Variants in HECTD4 observed in about 807,000 individuals in gnomAD.
HECTD4 encodes probable E3 ubiquitin-protein ligase HECTD4.
HECTD4 carries 114 observed loss-of-function variants against 471.5 expected under a neutral mutation model. The ratio of observed to expected loss-of-function variants is 0.24; its 90% CI spans 0.21 to 0.28. The LOEUF is 0.28. Among genes scored for constraint, HECTD4 ranks in the 10% least tolerant of loss-of-function variants. HECTD4 has a pLI of 1.00. For synonymous variants in HECTD4, 2,012 were observed against 2,256.0 expected (o/e 0.89, Z 3.07); for missense variants, 3,866 against 5,651.5 (o/e 0.68, Z 10.13).
rs2036308193 is a variant in HECTD4 at position 112,354,985 on chromosome 12, A to AC, written c.177+26966_177+26967insG. ...TAAGGGTTTGCCAAATGGGATTTTA[A>AC]TTTTTTTTTTTTTGAGATGGAGTCT... On this transcript the variant is annotated intron_variant, in intron 1 of 75. Transcript: ENST00000682272. 2.1e-5 allele frequency among the ~76,000 whole-genome samples: 3 copies of AC among 145,408 alleles called. No homozygotes were observed. In the South Asian group the frequency reaches 6.5e-4, roughly 32 times the overall value.
At chr12:112,206,053 C>T (rs558322711) in intron 52 of HECTD4, among the ~76,000 whole-genome samples, 1 of 152,302 alleles carries the variant, frequency 6.6e-6, no homozygotes, top group South Asian at 2.1e-4. Flanking sequence ...TGTTTGATAG[C>T]AACAGCTACT....
At chr12:112,233,214 CTTTTTTTT>C (rs546999938) in intron 37 of HECTD4, 129 bp from the exon 38 acceptor site, 73 of 235,680 alleles carry the variant, frequency 3.1e-4, no homozygotes, top group Middle Eastern at 1.5e-3. Flanking sequence ...CTAACATTAG[CTTTTTTTT>C]TTTTTTTTTT....
chr12:112,170,300 T>G, intron 69 of HECTD4, 33 bp downstream of exon 69: 1 of 1,611,212 alleles, frequency 6.2e-7, no homozygotes, highest in Non-Finnish European at 8.5e-7. Flanking sequence ...GCACTGCCAT[T>G]TTGCATTTTT....
chr12:112,304,379 C>A (rs1284804029), intron 7 of HECTD4, among the ~76,000 whole-genome samples: 1 of 151,742 alleles, frequency 6.6e-6, no homozygotes, highest in African/African-American at 2.4e-5. Flanking sequence ...TACTGCTCAG[C>A]CTCCTTAGTT....
chr12:112,254,328 A>G (rs2033961121), intron 21 of HECTD4, 166 bp from the exon 22 acceptor site: 2 of 712,136 alleles, frequency 2.8e-6, no homozygotes, highest in East Asian at 2.8e-5. Flanking sequence ...AACTGATACT[A>G]GTTTGGATGC....
intron 1 of HECTD4, among the ~76,000 whole-genome samples, chr12:112,377,374 T>C (rs1455963970): frequency 6.6e-6 from 1 of 152,220 alleles, no homozygotes; most frequent in Non-Finnish European, 1.5e-5. Context: ...TTTGCCTCTA[T>C]GTCATGTTAC....
At chr12:112,328,937 G>A (rs16942015) in intron 1 of HECTD4, among the ~76,000 whole-genome samples, 1,663 of 152,288 alleles carry the variant, frequency 0.011, 28 homozygotes, top group African/African-American at 0.038. Flanking sequence ...CCAGCATATG[G>A]TGACTTTCCC....
intron 55 of HECTD4, among the ~76,000 whole-genome samples, chr12:112,195,284 G>GA (rs2135525931): frequency 6.6e-6 from 1 of 152,168 alleles, no homozygotes; most frequent in East Asian, 1.9e-4. Context: ...GCACTGTAGG[G>GA]AAAAAAATAA....
In HECTD4 at chr12:112,207,953, A is replaced by G. The variant is rs755312288; in HGVS notation, c.8052T>C (p.Phe2684=). ...TGCGGAAGCGTCTTCGGATGGTAGG[A>G]AAAACCTTGGTCTCCCATGCTTTCA... ...LLVKAWETKV[F]PTIRRRFRNE... is the part of the protein sequence containing the mutation. Residue 2684 remains phenylalanine, a synonymous_variant, in exon 52 of 76, where the codon TTT becomes TTC. Coordinates refer to ENST00000682272, the MANE Select transcript of HECTD4 (RefSeq NM_001388303.1). 2 of 1,613,676 alleles carry G rather than the reference A, an allele frequency of 1.2e-6. No individual in the cohort carries two copies. The highest frequency in any genetic ancestry group is 1.3e-5 in the African/African-American group (1 of 74,902).
chr12:112,370,769 G>A (rs2036650795), intron 1 of HECTD4, among the ~76,000 whole-genome samples: 1 of 152,016 alleles, frequency 6.6e-6, no homozygotes, highest in Non-Finnish European at 1.5e-5. Context: ...ATGTATTCAT[G>A]TACTACTCAT....
Position 112,167,792 on chromosome 12 carries a change from C to T in HECTD4, c.12312+22G>A, listed in dbSNP as rs772259795. On this transcript the variant is annotated intron_variant, in intron 71 of 75. Coordinates refer to ENST00000682272, the MANE Select transcript of HECTD4 (RefSeq NM_001388303.1). ...AGGACATGAGCTCGGGGGCGTGGAG[C>T]CTCCTCCCGGCCTCTGCCTACCTTG... The T allele has an allele frequency of 5.0e-6, 8 of 1,596,600 alleles. No homozygotes were observed. The East Asian group carries it at 1.8e-4, about 36-fold the overall frequency.
chr12:112,252,601 C>T, intron 22 of HECTD4, 73 bp from the exon 23 acceptor site: 2 of 1,528,462 alleles, frequency 1.3e-6, no homozygotes, highest in Non-Finnish European at 1.8e-6. Context: ...CAATGAATTT[C>T]AGAGGTTTAC....
intron 1 of HECTD4, among the ~76,000 whole-genome samples, chr12:112,333,440 T>G (rs2035882090): frequency 6.6e-6 from 1 of 152,260 alleles, no homozygotes; most frequent in South Asian, 2.1e-4. Flanking sequence ...TGCATTTCTC[T>G]AATGGGTAAT....
At chr12:112,174,307 C>T (rs535504891) in intron 66 of HECTD4, among the ~76,000 whole-genome samples, 24 of 148,916 alleles carry the variant, frequency 1.6e-4, no homozygotes, top group Admixed American at 2.7e-4. Flanking sequence ...TCTTGTTGGC[C>T]GGGCTGGAGT....
intron 44 of HECTD4, among the ~76,000 whole-genome samples, chr12:112,220,916 A>G (rs1191419097): frequency 6.6e-6 from 1 of 152,094 alleles, no homozygotes. Flanking sequence ...GGAGTTTGAG[A>G]CCAGCCTGGG....
chr12:112,264,290 G>T (rs974786548), intron 16 of HECTD4, 78 bp from the exon 17 acceptor site: 1 of 1,275,594 alleles, frequency 7.8e-7, no homozygotes, highest in Non-Finnish European at 1.0e-6. Flanking sequence ...GTTTTTAAAA[G>T]ATTTTGACAA....
intron 7 of HECTD4, among the ~76,000 whole-genome samples, chr12:112,300,451 A>AT (rs1232427589): frequency 1.3e-5 from 2 of 152,012 alleles, no homozygotes; most frequent in Non-Finnish European, 2.9e-5. Context: ...TTTGTATATT[A>AT]TTTTTTTACA....
chr12:112,234,974 AG>A, intron 37 of HECTD4, 102 bp downstream of exon 37: 1 of 1,022,648 alleles, frequency 9.8e-7, no homozygotes, highest in Non-Finnish European at 1.4e-6. Context: ...AGGGGTGTAA[AG>A]AGGGCCGAGG....
chr12:112,255,427 G>T (rs1282793631), intron 21 of HECTD4, among the ~76,000 whole-genome samples: 1 of 152,178 alleles, frequency 6.6e-6, no homozygotes, highest in Non-Finnish European at 1.5e-5. Flanking sequence ...AAAAGATAAT[G>T]GGGAAGAGGA....
Sources: allele counts gnomAD v4.1 joint callset (sites outside exome capture counted in the v4.1 genomes callset), GRCh38; gene constraint gnomAD v4.1.1; transcripts MANE v1.5; gene names NCBI Gene and HGNC (gene_info 2026-07-23, HGNC 2026-07-21).